SLC6A5: variants seen among roughly 807,000 people sequenced by gnomAD.
SLC6A5 encodes the protein solute carrier family 6 member 5.
SLC6A5 carries 58 observed loss-of-function variants against 90.5 expected under a neutral mutation model. The observed-to-expected ratio is 0.64, with a 90% CI of 0.52 to 0.80. SLC6A5 has a LOEUF of 0.80. Among genes scored for constraint, SLC6A5 ranks in the 30% least tolerant of loss-of-function variants. The probability of loss-of-function intolerance (pLI) is 0.00; values close to 1 mark genes in which losing one functional copy is unlikely to be tolerated. For synonymous variants in SLC6A5, 427 were observed against 401.4 expected, an observed-to-expected ratio of 1.06 and a Z score of -0.76; for missense variants, 1,015 against 1,017.6, an observed-to-expected ratio of 1.00 and a Z score of 0.03.
At chr11:20,619,321 TC>T (rs1852845916) in intron 7 of SLC6A5, among the ~76,000 whole-genome samples, 1 of 152,216 alleles carries the variant, frequency 6.6e-6, no homozygotes, top group South Asian at 2.1e-4. Flanking sequence ...GACCGAACTG[TC>T]TTCTCCCTGG....
At chr11:20,631,114 T>C (rs1489719429) in intron 10 of SLC6A5, among the ~76,000 whole-genome samples, 1 of 152,246 alleles carries the variant, frequency 6.6e-6, no homozygotes, top group Non-Finnish European at 1.5e-5. Flanking sequence ...ATAAGGGTTA[T>C]ACCTGTTAGG....
chr11:20,602,275 T>C (rs1590152653), intron 2 of SLC6A5, among the ~76,000 whole-genome samples: 1 of 152,144 alleles, frequency 6.6e-6, no homozygotes, highest in Non-Finnish European at 1.5e-5. Context: ...TCTATTTTTT[T>C]CCCTAAAGTA....
At position 20,655,259 on chromosome 11, in the gene SLC6A5, T is replaced by G. The variant is rs1853622492; in HGVS notation, c.*391T>G. ...GTATAGAGTGGCCGAATTACAAGACTTTATTTGGACTTGAACAGAACTGAG... is the reference window on the plus strand; with the variant it reads ...GTATAGAGTGGCCGAATTACAAGACGTTATTTGGACTTGAACAGAACTGAG... On this transcript the variant is annotated 3_prime_UTR_variant, in exon 16 of 16. Coordinates refer to ENST00000525748, the MANE Select transcript of SLC6A5 (RefSeq NM_004211.5). The G allele has an allele frequency of 3.1e-6, 1 of 324,382 alleles. No homozygotes were observed. The highest frequency in any genetic ancestry group is 6.1e-6 in the Non-Finnish European group (1 of 164,522). The allele number at this position is 324,382 out of a possible 1,614,324, so 20.1% of individuals were successfully genotyped here.
At chr11:20,613,428 G>C (rs1852729037) in intron 5 of SLC6A5, among the ~76,000 whole-genome samples, 1 of 152,080 alleles carries the variant, frequency 6.6e-6, no homozygotes. Flanking sequence ...ATTTTAAAGA[G>C]AGGCATTGTA....
intron 7 of SLC6A5, among the ~76,000 whole-genome samples, chr11:20,621,885 G>A (rs995185637): frequency 1.3e-5 from 2 of 152,214 alleles, no homozygotes; most frequent in African/African-American, 2.4e-5. Context: ...CCAGAGGCAC[G>A]GGCGACCAGC....
At chr11:20,627,557 A>C (rs559522039) in intron 8 of SLC6A5, among the ~76,000 whole-genome samples, 1 of 152,232 alleles carries the variant, frequency 6.6e-6, no homozygotes, top group Non-Finnish European at 1.5e-5. Flanking sequence ...GATTGGGGCT[A>C]CAGAGTTTCA....
rs1853557109 is a variant in SLC6A5 at position 20,652,352 on chromosome 11, A to G, written c.2134A>G (p.Asn712Asp). Residue 712 changes from asparagine to aspartate, a missense_variant, in exon 15 of 16, where the codon AAC becomes GAC. Around this residue, in one of 3 missense-constraint regions of SLC6A5, gnomAD observed 442 missense variants for 494.3 expected, o/e 0.89. Coordinates refer to ENST00000525748, the MANE Select transcript of SLC6A5 (RefSeq NM_004211.5). ...GACCTATGGCTCTTACCGCTATCCT[A>G]ACTGGTCCATGGTGCTCGGATGGCT... Reference protein sequence around the residue: ...PMTYGSYRYPNWSMVLGWLML... With the variant: ...PMTYGSYRYPDWSMVLGWLML... 6.2e-7 allele frequency: 1 copy of G among 1,613,974 alleles called. No homozygotes were observed. Among genetic ancestry groups the G allele is most frequent in the Non-Finnish European group, 8.5e-7 (1 of 1,179,928 alleles).
chr11:20,614,909 AG>A, intron 6 of SLC6A5, 89 bp downstream of exon 6: 1 of 1,270,372 alleles, frequency 7.9e-7, no homozygotes, highest in Middle Eastern at 1.8e-4. Context: ...AGGTGTGGGT[AG>A]CCCAAGGGAT....
intron 13 of SLC6A5, among the ~76,000 whole-genome samples, chr11:20,638,965 G>A (rs1039221864): frequency 3.3e-5 from 5 of 152,108 alleles, no homozygotes; most frequent in Non-Finnish European, 7.4e-5. Flanking sequence ...GCTGGTCCCT[G>A]GGTACTGTAG....
chr11:20,651,228 A>G (rs993002609), intron 14 of SLC6A5, among the ~76,000 whole-genome samples: 1 of 12,078 alleles, frequency 8.3e-5, no homozygotes, highest in Non-Finnish European at 1.6e-4. Flanking sequence ...TCCACCCCCC[A>G]CCCCTCTTGC....
Position 20,626,775 on chromosome 11 carries a change from T to C in SLC6A5, c.1328T>C (p.Leu443Pro). 1 of 1,614,078 alleles carries C rather than the reference T, an allele frequency of 6.2e-7. No individual in the cohort carries two copies. Among genetic ancestry groups the C allele is most frequent in the Non-Finnish European group, 8.5e-7 (1 of 1,179,912 alleles). ...LVILLIRGVT[L>P]PGAGAGIWYF... is the part of the protein sequence containing the mutation. ...ATCCTCCTCATCCGAGGAGTCACCC[T>C]GCCTGGAGCTGGAGCTGGGATCTGG... Residue 443 changes from leucine (L) to proline (P), a missense_variant, in exon 8 of 16, where the codon CTG becomes CCG. Leu to Pro is a moderately conservative substitution (Grantham distance 98, BLOSUM62 -3). Around this residue, in one of 3 missense-constraint regions of SLC6A5, gnomAD observed 442 missense variants for 494.3 expected, o/e 0.89. Coordinates refer to ENST00000525748, the MANE Select transcript of SLC6A5 (RefSeq NM_004211.5).
At chr11:20,629,810 A>G (rs1460592404) in intron 9 of SLC6A5, among the ~76,000 whole-genome samples, 2 of 150,810 alleles carry the variant, frequency 1.3e-5, no homozygotes, top group East Asian at 2.0e-4. Context: ...GCTCACTGCA[A>G]CCTCCACCTC....
At chr11:20,632,547 G>C (rs1853127428) in intron 10 of SLC6A5, among the ~76,000 whole-genome samples, 1 of 152,192 alleles carries the variant, frequency 6.6e-6, no homozygotes, top group Non-Finnish European at 1.5e-5. Context: ...AACCTGTTGT[G>C]TTAATTCTTG....
chr11:20,648,737 T>A (rs2133821277), intron 14 of SLC6A5, among the ~76,000 whole-genome samples: 1 of 152,344 alleles, frequency 6.6e-6, no homozygotes, highest in Non-Finnish European at 1.5e-5. Flanking sequence ...CCTCTTGCTT[T>A]TCTTCCCACC....
chr11:20,603,343 A>G (rs767704507), intron 2 of SLC6A5, among the ~76,000 whole-genome samples: 5 of 152,118 alleles, frequency 3.3e-5, no homozygotes, highest in Non-Finnish European at 7.4e-5. Flanking sequence ...CTTACTAGTG[A>G]GGCATTCCAG....
intron 7 of SLC6A5, among the ~76,000 whole-genome samples, chr11:20,625,696 A>G (rs1852980873): frequency 6.6e-6 from 1 of 151,532 alleles, no homozygotes; most frequent in Admixed American, 6.6e-5. Flanking sequence ...CTTAGCCTCA[A>G]CTTTATGCTG....
rs147188226 is a variant in SLC6A5 at position 20,625,349 on chromosome 11, C to T, written c.1261-1359C>T. 0.033 allele frequency among the ~76,000 whole-genome samples: 4,959 copies of T among 152,244 alleles called. 404 individuals are homozygous for T. The East Asian group carries it at 0.34, about 10-fold the overall frequency. The stretch of plus-strand genomic sequence containing the variant: ...TGATCTCTGCTCACTGCAACCTCCG[C>T]CTCCTGGGTTCAAGTGATTTTCCTG... On this transcript the variant is annotated intron_variant, in intron 7 of 15. Coordinates refer to ENST00000525748, the MANE Select transcript of SLC6A5 (RefSeq NM_004211.5).
chr11:20,637,401 C>A, intron 12 of SLC6A5, 98 bp downstream of exon 12: 1 of 1,097,728 alleles, frequency 9.1e-7, no homozygotes, highest in Non-Finnish European at 1.4e-6. Context: ...ACCTTATAAT[C>A]AAAGGCAAAT....
intron 7 of SLC6A5, among the ~76,000 whole-genome samples, chr11:20,620,587 G>C (rs551702072): frequency 6.6e-6 from 1 of 152,304 alleles, no homozygotes; most frequent in Admixed American, 6.5e-5. Flanking sequence ...AAGAGAAAGA[G>C]AGCTTTGTTG....
Sources: allele counts gnomAD v4.1 joint callset (sites outside exome capture counted in the v4.1 genomes callset), GRCh38; gene constraint gnomAD v4.1.1; regional missense constraint gnomAD v4.1.1; transcripts MANE v1.5; gene names NCBI Gene and HGNC (gene_info 2026-07-23, HGNC 2026-07-21).